Variants in FGD5 observed in about 807,000 individuals in gnomAD.
FGD5 encodes the protein FYVE, RhoGEF and PH domain-containing protein 5.
A neutral mutation model predicts 133.4 loss-of-function variants in FGD5; 28 were observed. The ratio of observed to expected loss-of-function variants is 0.21; its 90% CI spans 0.16 to 0.29. The LOEUF (loss-of-function observed/expected upper bound fraction) is 0.29. FGD5 is among the 10% of genes least tolerant of loss of function. The pLI, the probability that FGD5 is intolerant of heterozygous loss-of-function variation, is 1.00. For synonymous variants in FGD5, 810 were observed against 776.5 expected (o/e 1.04, Z -0.72); for missense variants, 1,858 against 1,895.2 (o/e 0.98, Z 0.36).
At position 14,895,076 on chromosome 3, in the gene FGD5, G is replaced by A. The variant is rs540591140; in HGVS notation, c.2749-2433G>A. Reference sequence around the variant, plus strand: ...TTATTTGGGCTTTTTTGCTATTTGAGTTGTGTGAGCTCCTTATATATTTTG... The same window carrying A: ...TTATTTGGGCTTTTTTGCTATTTGAATTGTGTGAGCTCCTTATATATTTTG... On this transcript the variant is annotated intron_variant, in intron 4 of 19. Coordinates refer to ENST00000285046, the MANE Select transcript of FGD5 (RefSeq NM_152536.4). Among the ~76,000 whole-genome samples the A allele has an allele frequency of 9.9e-5, 15 of 152,172 alleles. No individual in the cohort carries two copies. The South Asian group carries it at 2.7e-3, about 27-fold the overall frequency.
intron 1 of FGD5, among the ~76,000 whole-genome samples, chr3:14,813,316 G>A (rs180812730): frequency 6.6e-6 from 1 of 152,278 alleles, no homozygotes; most frequent in East Asian, 1.9e-4. Flanking sequence ...CTGAGCGTGA[G>A]CATGCTCTTC....
intron 1 of FGD5, among the ~76,000 whole-genome samples, chr3:14,854,901 T>C (rs1316760756): frequency 6.6e-6 from 1 of 152,184 alleles, no homozygotes. Flanking sequence ...TGAAACTATA[T>C]AATATATGAT....
At chr3:14,897,407 C>G in intron 4 of FGD5, 102 bp from the exon 5 acceptor site, 5 of 1,393,500 alleles carry the variant, frequency 3.6e-6, no homozygotes, top group Non-Finnish European at 4.9e-6. Context: ...TCACTGCTGT[C>G]TTCACAGAGG....
chr3:14,898,219 C>G, intron 6 of FGD5, 124 bp downstream of exon 6: 1 of 1,286,112 alleles, frequency 7.8e-7, no homozygotes, highest in South Asian at 1.3e-5. Context: ...CAGGGAAGAC[C>G]TGGCCAGAGG....
chr3:14,854,477 G>A (rs1445263309), intron 1 of FGD5, among the ~76,000 whole-genome samples: 12 of 151,350 alleles, frequency 7.9e-5, no homozygotes, highest in Admixed American at 6.6e-4. Flanking sequence ...CTGCAGTGGC[G>A]TGATCATAGC....
Position 14,918,762 on chromosome 3 carries a change from C to T in FGD5, c.3498C>T (p.Arg1166=), listed in dbSNP as rs1010360975. The T allele has an allele frequency of 5.0e-6, 8 of 1,613,856 alleles. No homozygotes were observed. Among genetic ancestry groups the T allele is most frequent in the Non-Finnish European group, 6.8e-6 (8 of 1,179,890 alleles). The change falls in exon 13 of 20, where the codon CGC becomes CGT. Residue 1166 remains arginine (R), a synonymous_variant. Coordinates refer to ENST00000285046, the MANE Select transcript of FGD5 (RefSeq NM_152536.4). ...TGCTGTTGGTTTTCCAGGTCAGCCG[C>T]CCTGTGATGGAGAAAGTGCCCTACG... ...TLAVANMKVS[R]PVMEKVPYAL... is the part of the protein sequence containing the mutation.
At chr3:14,862,135 T>C (rs1388705370) in intron 1 of FGD5, among the ~76,000 whole-genome samples, 1 of 152,168 alleles carries the variant, frequency 6.6e-6, no homozygotes, top group Non-Finnish European at 1.5e-5. Context: ...GGTTTCTGGC[T>C]TTCTGCCTGG....
At chr3:14,830,719 C>T (rs1003556045) in intron 1 of FGD5, among the ~76,000 whole-genome samples, 2 of 152,158 alleles carry the variant, frequency 1.3e-5, no homozygotes, top group African/African-American at 4.8e-5. Flanking sequence ...GTATTTGGGC[C>T]TCACTTTCCC....
Position 14,923,164 on chromosome 3 carries a change from G to A in FGD5, c.3926G>A (p.Gly1309Asp). 6.2e-7 allele frequency: 1 copy of A among 1,613,236 alleles called. No individual in the cohort carries two copies. The highest frequency in any genetic ancestry group is 8.5e-7 in the Non-Finnish European group (1 of 1,179,734). ...AAGAAGCGGGGCAGGGCTGTCCCGG[G>A]CCTGATGAGAGGTAACCTGGGGACC... ...ELKKRGRAVP[G>D]LMRERPVSMS... Residue 1309 changes from glycine to aspartate, a missense_variant, in exon 16 of 20, where the codon GGC (glycine) becomes GAC (aspartate). Transcript: ENST00000285046.
intron 11 of FGD5, among the ~76,000 whole-genome samples, 194 bp downstream of exon 11, chr3:14,911,123 A>G (rs888237678): frequency 2.0e-5 from 3 of 152,178 alleles, no homozygotes; most frequent in African/African-American, 7.2e-5. Context: ...TGTTATTTGA[A>G]TGATTTTGAG....
chr3:14,882,714 A>G (rs1402962947), intron 4 of FGD5, among the ~76,000 whole-genome samples: 1 of 149,008 alleles, frequency 6.7e-6, no homozygotes, highest in Admixed American at 6.7e-5. Flanking sequence ...AAAAAAAAAA[A>G]GTCACCACTT....
At chr3:14,926,517 C>T (rs2038806113) in intron 18 of FGD5, among the ~76,000 whole-genome samples, 1 of 152,230 alleles carries the variant, frequency 6.6e-6, no homozygotes, top group South Asian at 2.1e-4. Flanking sequence ...AGCCATGCCA[C>T]AAAAGAAAAC....
chr3:14,886,831 CCCA>C (rs1299566763), intron 4 of FGD5, among the ~76,000 whole-genome samples: 1 of 151,890 alleles, frequency 6.6e-6, no homozygotes, highest in Non-Finnish European at 1.5e-5. Context: ...TTGTGTGTTT[CCCA>C]CATCTCCTGC....
intron 4 of FGD5, among the ~76,000 whole-genome samples, chr3:14,893,060 C>A (rs951182841): frequency 6.6e-6 from 1 of 152,206 alleles, no homozygotes; most frequent in Admixed American, 6.5e-5. Context: ...TCCCTGCCCC[C>A]ACCCAAGCCG....
intron 18 of FGD5, among the ~76,000 whole-genome samples, chr3:14,928,731 C>A (rs1321703329): frequency 6.6e-6 from 1 of 152,086 alleles, no homozygotes; most frequent in African/African-American, 2.4e-5. Flanking sequence ...GGCAACAGAG[C>A]AAGACTGTCT....
At chr3:14,834,039 A>G (rs1239269971) in intron 1 of FGD5, among the ~76,000 whole-genome samples, 2 of 152,132 alleles carry the variant, frequency 1.3e-5, no homozygotes, top group Admixed American at 1.3e-4. Flanking sequence ...TCTTACTTGG[A>G]ACCCCAACAT....
intron 4 of FGD5, among the ~76,000 whole-genome samples, chr3:14,886,539 G>A (rs972921077): frequency 6.6e-6 from 1 of 152,228 alleles, no homozygotes; most frequent in Non-Finnish European, 1.5e-5. Context: ...GGCGTAAGGG[G>A]CAGGGACGTG....
At position 14,926,083 on chromosome 3, in the gene FGD5, G is replaced by C. The variant is rs200154972; in HGVS notation, c.4082G>C (p.Gly1361Ala). 2.4e-4 allele frequency: 387 copies of C among 1,613,672 alleles called. 1 individual carries two copies. Among genetic ancestry groups the C allele is most frequent in the Admixed American group, 1.7e-4 (10 of 60,002 alleles). ...CCCTCCTGCCAGGTGGCTGCCTCTG[G>C]AGAGGGCTCTGCCATCAGTGGCTAT... Reference protein sequence around the residue: ...PSALTEVAASGEGSAISGYLS... With the variant: ...PSALTEVAASAEGSAISGYLS... The change falls in exon 18 of 20, where the codon GGA becomes GCA. Residue 1361 changes from glycine to alanine, a missense_variant. Physicochemically the swap from Gly to Ala is moderately conservative, Grantham distance 60 (BLOSUM62 0). This residue lies in a region of FGD5 where 1,824 missense variants were observed against 1,848.9 expected (regional missense o/e 0.99). Transcript: ENST00000285046.
chr3:14,882,306 T>G (rs1487623434), intron 4 of FGD5: 1 of 985,160 alleles, frequency 1.0e-6, no homozygotes, highest in East Asian at 1.1e-4. Flanking sequence ...GAAACTTGCA[T>G]CTATGTTTGC....
Sources: gnomAD v4.1 joint callset for allele counts (sites outside exome capture counted in the v4.1 genomes callset) on GRCh38, gnomAD v4.1.1 for gene constraint, gnomAD v4.1.1 regional missense constraint, MANE v1.5 for transcripts, NCBI Gene and HGNC (gene_info 2026-07-23, HGNC 2026-07-21) for gene names.